Variants in LHFPL3 observed in about 807,000 individuals in gnomAD.
LHFPL3 encodes LHFPL tetraspan subfamily member 3 protein.
LHFPL3 carries 5 observed loss-of-function variants against 19.3 expected under a neutral mutation model. That is an observed-to-expected ratio of 0.26 (90% confidence interval 0.14 to 0.54). LHFPL3 has a LOEUF of 0.54. Among genes scored for constraint, LHFPL3 ranks in the 20% least tolerant of loss-of-function variants. The probability of loss-of-function intolerance (pLI) is 0.94; values close to 1 mark genes in which losing one functional copy is unlikely to be tolerated. For missense variants in LHFPL3, 249 were observed against 307.4 expected, an observed-to-expected ratio of 0.81 and a Z score of 1.42; for synonymous variants, 133 against 126.2, an observed-to-expected ratio of 1.05 and a Z score of -0.36.
At chr7:104,412,912 C>T (rs1791558612) in intron 1 of LHFPL3, among the ~76,000 whole-genome samples, 2 of 152,188 alleles carry the variant, frequency 1.3e-5, no homozygotes, top group African/African-American at 2.4e-5. Context: ...TTTGTCAGGT[C>T]TGTCATTAGC....
chr7:104,877,379 C>G (rs988906778), intron 2 of LHFPL3, among the ~76,000 whole-genome samples: 15 of 152,176 alleles, frequency 9.9e-5, no homozygotes, highest in South Asian at 8.3e-4. Context: ...GGACTTGTAT[C>G]CAAAGTATGT....
At chr7:104,491,405 G>A (rs1303108280) in intron 1 of LHFPL3, among the ~76,000 whole-genome samples, 1 of 151,788 alleles carries the variant, frequency 6.6e-6, no homozygotes, top group Non-Finnish European at 1.5e-5. Context: ...CTTTCTAGGT[G>A]TCTTTGTTAA....
chr7:104,599,805 C>T (rs1365237695), intron 1 of LHFPL3, among the ~76,000 whole-genome samples: 1 of 152,156 alleles, frequency 6.6e-6, no homozygotes, highest in Non-Finnish European at 1.5e-5. Context: ...CTTATTTTCC[C>T]ATCTAATCAA....
At chr7:104,718,146 G>C (rs1346702046) in intron 1 of LHFPL3, among the ~76,000 whole-genome samples, 4 of 152,126 alleles carry the variant, frequency 2.6e-5, no homozygotes, top group African/African-American at 9.7e-5. Flanking sequence ...GCTGGAGGTA[G>C]GGAAAAATAG....
chr7:104,550,590 G>A (rs1035283884), intron 1 of LHFPL3, among the ~76,000 whole-genome samples: 1 of 152,130 alleles, frequency 6.6e-6, no homozygotes, highest in Non-Finnish European at 1.5e-5. Context: ...GCACCACAAA[G>A]GGGTTTTGGA....
chr7:104,699,689 G>A (rs1344174581), intron 1 of LHFPL3, among the ~76,000 whole-genome samples: 1 of 152,118 alleles, frequency 6.6e-6, no homozygotes, highest in Admixed American at 6.6e-5. Context: ...GATTAAAATG[G>A]TACATTTTAT....
At chr7:104,719,608 A>G (rs1562972339) in intron 1 of LHFPL3, among the ~76,000 whole-genome samples, 1 of 152,220 alleles carries the variant, frequency 6.6e-6, no homozygotes. Flanking sequence ...AGAAATATTT[A>G]TACATATAAA....
intron 1 of LHFPL3, among the ~76,000 whole-genome samples, chr7:104,444,989 CAA>C (rs34934942): frequency 2.8e-5 from 4 of 140,698 alleles, no homozygotes; most frequent in African/African-American, 2.6e-5. Flanking sequence ...ACTCCGTCTC[CAA>C]AAAAAAAAAA....
intron 1 of LHFPL3, among the ~76,000 whole-genome samples, chr7:104,541,275 C>T (rs954961496): frequency 1.9e-4 from 29 of 152,122 alleles, no homozygotes; most frequent in Middle Eastern, 3.2e-3. Flanking sequence ...CCACCCATTG[C>T]ATTAGTGGTT....
At chr7:104,368,278 T>C (rs916828513) in intron 1 of LHFPL3, among the ~76,000 whole-genome samples, 2 of 152,174 alleles carry the variant, frequency 1.3e-5, no homozygotes, top group African/African-American at 4.8e-5. Context: ...CCTCTTTTAG[T>C]TGTTGTTGTT....
chr7:104,378,075 A>C (rs180703481), intron 1 of LHFPL3, among the ~76,000 whole-genome samples: 308 of 152,346 alleles, frequency 2.0e-3, no homozygotes, highest in Middle Eastern at 0.014. Flanking sequence ...ATCCAGTTCA[A>C]ATGTACAGTT....
intron 2 of LHFPL3, among the ~76,000 whole-genome samples, chr7:104,864,934 C>A (rs1166719209): frequency 6.6e-6 from 1 of 152,226 alleles, no homozygotes; most frequent in Non-Finnish European, 1.5e-5. Flanking sequence ...CGCTGTTCTG[C>A]AGCCTCCACT....
intron 1 of LHFPL3, among the ~76,000 whole-genome samples, chr7:104,375,379 G>GA (rs1790694019): frequency 6.6e-6 from 1 of 151,984 alleles, no homozygotes; most frequent in Non-Finnish European, 1.5e-5. Flanking sequence ...ATAATATAAA[G>GA]AAAAATGAAA....
At chr7:104,591,520 C>T (rs1198545184) in intron 1 of LHFPL3, among the ~76,000 whole-genome samples, 2 of 152,146 alleles carry the variant, frequency 1.3e-5, no homozygotes, top group Non-Finnish European at 2.9e-5. Flanking sequence ...GTGGGTAACC[C>T]GACCTTTCTC....
At chr7:104,590,822 G>T (rs1584422870) in intron 1 of LHFPL3, among the ~76,000 whole-genome samples, 2 of 152,156 alleles carry the variant, frequency 1.3e-5, no homozygotes, top group Non-Finnish European at 2.9e-5. Flanking sequence ...ATATATTTAG[G>T]ATAGTTAGCT....
chr7:104,843,018 G>A (rs1271503748), intron 2 of LHFPL3, among the ~76,000 whole-genome samples: 1 of 152,172 alleles, frequency 6.6e-6, no homozygotes, highest in Non-Finnish European at 1.5e-5. Flanking sequence ...CCTCTGATTG[G>A]AAAGATCTAA....
At position 104,329,026 on chromosome 7, in the gene LHFPL3, G is replaced by T; in HGVS notation, c.247G>T (p.Gly83Cys). Residue 83 changes from glycine (G) to cysteine (C), a missense_variant, in exon 1 of 3, where the codon GGC (glycine) becomes TGC (cysteine). Transcript: ENST00000424859. ...GCTCTTCCACTACTGCATCGGCAAC[G>T]GCTTCTCCCGGGAGCTGACCTGCAG... The part of the protein sequence containing the change: ...FGLFHYCIGN[G>C]FSRELTCRGS... The T allele has an allele frequency of 6.2e-7, 1 of 1,614,034 alleles. No homozygotes were observed. The highest frequency in any genetic ancestry group is 1.3e-5 in the African/African-American group (1 of 75,056).
intron 2 of LHFPL3, among the ~76,000 whole-genome samples, chr7:104,819,934 C>T (rs1392706915): frequency 1.3e-5 from 2 of 152,126 alleles, no homozygotes; most frequent in South Asian, 4.1e-4. Flanking sequence ...AGGGCAAATA[C>T]GATCAAAGCA....
rs187484798 is a variant in LHFPL3, at chr7:104,725,731, T to A, written c.446-10944T>A. ...CAGAGGGAACAGTAATTTGAAAAAA[T>A]TTTCAAATCACCAACTTTACCTTTT... On this transcript the variant is annotated intron_variant, in intron 1 of 2. Transcript: ENST00000424859. Among the ~76,000 whole-genome samples the A allele has an allele frequency of 5.4e-3, 828 of 152,022 alleles. 7 individuals carry two copies. Among genetic ancestry groups the A allele is most frequent in the Middle Eastern group, 0.02 (6 of 294 alleles).
Sources: allele counts gnomAD v4.1 joint callset (sites outside exome capture counted in the v4.1 genomes callset), GRCh38; gene constraint gnomAD v4.1.1; transcripts MANE v1.5; gene names NCBI Gene and HGNC (gene_info 2026-07-23, HGNC 2026-07-21).